Variants in IL1RL1 observed in about 807,000 individuals in gnomAD.
IL1RL1 encodes the protein interleukin 1 receptor like 1.
IL1RL1 carries 32 observed loss-of-function variants against 50.9 expected under a neutral mutation model. The observed-to-expected ratio is 0.63, with a 90% CI of 0.47 to 0.84. The LOEUF (loss-of-function observed/expected upper bound fraction) is 0.84. IL1RL1 is among the 40% of genes least tolerant of loss of function. The pLI, the probability that IL1RL1 is intolerant of heterozygous loss-of-function variation, is 0.00. For missense variants in IL1RL1, 773 were observed against 662.9 expected (o/e 1.17, Z -1.82); for synonymous variants, 275 against 236.0 (o/e 1.17, Z -1.51).
At position 102,339,054 on chromosome 2, in the gene IL1RL1, T is replaced by C. The variant is rs764808687; in HGVS notation, c.272+7T>C. The C allele has an allele frequency of 3.8e-5, 61 of 1,592,346 alleles. No homozygotes were observed. The highest frequency in any genetic ancestry group is 5.0e-5 in the Non-Finnish European group (58 of 1,162,666). ...ATACCTGTATTGTCAGAAGGTATTA[T>C]GCAGAAGGCTCCCATCTTCTTTCAC... On this transcript the variant is annotated splice_region_variant and intron_variant, in intron 3 of 10. Transcript: ENST00000233954.
chr2:102,320,650 T>C, intron 1 of IL1RL1, among the ~76,000 whole-genome samples: 1 of 152,116 alleles, frequency 6.6e-6, no homozygotes. Context: ...ATTCAGTAAC[T>C]AGCAACCCTA....
chr2:102,323,308 T>A (rs1338781574), intron 1 of IL1RL1, among the ~76,000 whole-genome samples: 3 of 148,584 alleles, frequency 2.0e-5, no homozygotes, highest in Admixed American at 6.7e-5. Flanking sequence ...ATATATATGG[T>A]GTATATAATT....
At chr2:102,333,073 T>C (rs1216155271) in intron 1 of IL1RL1, among the ~76,000 whole-genome samples, 1 of 152,102 alleles carries the variant, frequency 6.6e-6, no homozygotes, top group Non-Finnish European at 1.5e-5. Flanking sequence ...CATCGTGTGG[T>C]ACCTCCCAGC....
intron 8 of IL1RL1, among the ~76,000 whole-genome samples, chr2:102,347,469 C>T (rs974201795): frequency 1.2e-4 from 19 of 152,318 alleles, no homozygotes; most frequent in African/African-American, 4.6e-4. Flanking sequence ...TCCACCAATT[C>T]CCCAAACTGG....
At chr2:102,329,348 T>A in intron 1 of IL1RL1, among the ~76,000 whole-genome samples, 1 of 152,098 alleles carries the variant, frequency 6.6e-6, no homozygotes, top group Non-Finnish European at 1.5e-5. Flanking sequence ...TCAAGATGGA[T>A]TAAAGACTGA....
intron 8 of IL1RL1, chr2:102,344,704 T>C: frequency 1.1e-6 from 1 of 922,786 alleles, no homozygotes; most frequent in Non-Finnish European, 1.3e-6. Context: ...GTTGACTGAA[T>C]AAATGAATGC....
chr2:102,330,340 T>TGGG (rs1304145330), intron 1 of IL1RL1, among the ~76,000 whole-genome samples: 1 of 108,502 alleles, frequency 9.2e-6, no homozygotes. Context: ...CGGCCTGTTG[T>TGGG]GGGGTGGGGG....
chr2:102,339,070 C>G (rs758040696), intron 3 of IL1RL1, 23 bp downstream of exon 3: 2 of 1,538,396 alleles, frequency 1.3e-6, no homozygotes, highest in African/African-American at 1.4e-5. Context: ...AGGCTCCCAT[C>G]TTCTTTCACC....
chr2:102,325,780 A>G lies in IL1RL1; in HGVS notation c.-149-12336A>G, dbSNP rs182038820. 4.7e-3 allele frequency among the ~76,000 whole-genome samples: 716 copies of G among 152,340 alleles called. 5 individuals carry two copies. Among genetic ancestry groups the G allele is most frequent in the African/African-American group, 0.017 (688 of 41,568 alleles). On this transcript the variant is annotated intron_variant, in intron 1 of 10. Transcript: ENST00000233954. The stretch of plus-strand genomic sequence containing the variant: ...ACGGAAGATCAAATGAATGAAACGA[A>G]GTGAGAAGAGAAGTTTAGAGAAAGT...
At chr2:102,344,431 T>G (rs1382832036) in intron 8 of IL1RL1, 1 of 855,136 alleles carries the variant, frequency 1.2e-6, no homozygotes, top group East Asian at 1.2e-4. Flanking sequence ...ATTTCTTTAT[T>G]GCATCTGTTA....
intron 1 of IL1RL1, among the ~76,000 whole-genome samples, chr2:102,317,725 A>G (rs1178947337): frequency 2.6e-5 from 4 of 152,212 alleles, no homozygotes; most frequent in Non-Finnish European, 5.9e-5. Flanking sequence ...AAACTCAACC[A>G]TAGACCATTC....
intron 8 of IL1RL1, chr2:102,345,802 T>C: frequency 1.2e-5 from 12 of 985,494 alleles, no homozygotes; most frequent in Non-Finnish European, 1.4e-5. Context: ...AGGAAGGCTG[T>C]GGACCCCATC....
rs779804857 is a variant in IL1RL1 at position 102,351,839 on chromosome 2, A to T, written c.1589A>T (p.His530Leu). 4 of 1,614,004 alleles carry T rather than the reference A, an allele frequency of 2.5e-6. No individual in the cohort carries two copies. Among genetic ancestry groups the T allele is most frequent in the Non-Finnish European group, 3.4e-6 (4 of 1,179,914 alleles). The change falls in exon 11 of 11, where the codon CAC (histidine) becomes CTC (leucine). Residue 530 changes from histidine (H) to leucine (L), a missense_variant. By Grantham distance (99) the His-to-Leu change is moderately conservative. Coordinates refer to ENST00000233954, the MANE Select transcript of IL1RL1 (RefSeq NM_016232.5). Reference sequence around the variant, plus strand: ...TCCCTGAATTCTAAATTCTGGAAGCACGTGAGGTACCAAATGCCTGTGCCA... The same window carrying T: ...TCCCTGAATTCTAAATTCTGGAAGCTCGTGAGGTACCAAATGCCTGTGCCA... ...KRSLNSKFWK[H>L]VRYQMPVPSK...
chr2:102,325,072 C>A (rs1443726772), intron 1 of IL1RL1, among the ~76,000 whole-genome samples: 4 of 152,144 alleles, frequency 2.6e-5, no homozygotes, highest in African/African-American at 4.8e-5. Context: ...GTCCCTGACC[C>A]CCGAGTAGCC....
At chr2:102,349,424 A>G (rs1677873187) in intron 10 of IL1RL1, among the ~76,000 whole-genome samples, 178 bp downstream of exon 10, 1 of 152,080 alleles carries the variant, frequency 6.6e-6, no homozygotes, top group South Asian at 2.1e-4. Context: ...CTCTCCCATC[A>G]TTGTCCTGGT....
chr2:102,312,020 A>T (rs1341215746), intron 1 of IL1RL1, among the ~76,000 whole-genome samples: 1 of 52,782 alleles, frequency 1.9e-5, no homozygotes. Flanking sequence ...TATTATATAT[A>T]ATATATATTA....
At chr2:102,319,038 TA>T (rs1207558136) in intron 1 of IL1RL1, among the ~76,000 whole-genome samples, 1 of 152,158 alleles carries the variant, frequency 6.6e-6, no homozygotes, top group African/African-American at 2.4e-5. Context: ...TAAAAGAATT[TA>T]AAAATAAGTA....
chr2:102,338,736 C>A, intron 2 of IL1RL1, 101 bp from the exon 3 acceptor site: 1 of 853,990 alleles, frequency 1.2e-6, no homozygotes, highest in Non-Finnish European at 1.9e-6. Context: ...AGTATATGAC[C>A]GGCTTCTAAA....
intron 1 of IL1RL1, among the ~76,000 whole-genome samples, chr2:102,311,886 T>TATATAATATATATTATATA (rs1676491079): frequency 2.9e-5 from 1 of 34,442 alleles, no homozygotes; most frequent in African/African-American, 1.6e-4. Flanking sequence ...TATAATATAA[T>TATATAATATATATTATATA]ATATAATATA....
Sources: allele counts gnomAD v4.1 joint callset (sites outside exome capture counted in the v4.1 genomes callset), GRCh38; gene constraint gnomAD v4.1.1; transcripts MANE v1.5; gene names NCBI Gene and HGNC (gene_info 2026-07-23, HGNC 2026-07-21).